The following KHDRBS2 variants were observed in gnomAD, a reference collection of about 807,000 sequenced individuals.
The protein encoded by KHDRBS2 is KH RNA binding domain containing, signal transduction associated 2.
A neutral mutation model predicts 44.3 loss-of-function variants in KHDRBS2; 26 were observed. That is an observed-to-expected ratio of 0.59 (90% confidence interval 0.43 to 0.81). The LOEUF (loss-of-function observed/expected upper bound fraction) is 0.81, where lower values mean the gene tolerates loss of function less well. KHDRBS2 is among the 40% of genes least tolerant of loss of function. KHDRBS2 has a pLI of 0.00. For missense variants in KHDRBS2, 476 were observed against 433.1 expected (o/e 1.10, Z -0.88); for synonymous variants, 194 against 151.1 (o/e 1.28, Z -2.08).
intron 1 of KHDRBS2, among the ~76,000 whole-genome samples, chr6:62,271,878 T>C (rs1840150187): frequency 6.6e-6 from 1 of 151,940 alleles, no homozygotes; most frequent in Admixed American, 6.6e-5. Context: ...TAGCCATTAA[T>C]TTATTATTGA....
At chr6:61,888,809 C>T (rs1258108616) in intron 6 of KHDRBS2, among the ~76,000 whole-genome samples, 1 of 151,922 alleles carries the variant, frequency 6.6e-6, no homozygotes, top group Non-Finnish European at 1.5e-5. Flanking sequence ...GATCCACCCA[C>T]CCCGGCCTCC....
chr6:61,601,598 C>T, the KHDRBS2 span, among the ~76,000 whole-genome samples: 1 of 152,102 alleles, frequency 6.6e-6, no homozygotes, highest in African/African-American at 2.4e-5. Context: ...CGGTACCTCC[C>T]TAGTCTCTGT....
rs551824030 is a variant in KHDRBS2 at position 61,866,294 on chromosome 6, A to T, written c.810+28341T>A. On this transcript the variant is annotated intron_variant, in intron 6 of 8. Coordinates refer to ENST00000281156, the MANE Select transcript of KHDRBS2 (RefSeq NM_152688.4). Reference sequence around the variant, plus strand: ...GGAGGCTCCCAAGCCCCAATTCTTGACAAATGTGCACCAGCAGTCTCAACA... The same window carrying T: ...GGAGGCTCCCAAGCCCCAATTCTTGTCAAATGTGCACCAGCAGTCTCAACA... Among the ~76,000 whole-genome samples the T allele has an allele frequency of 2.0e-5, 3 of 152,210 alleles. No individual in the cohort carries two copies. The East Asian group carries it at 5.8e-4, about 29-fold the overall frequency.
chr6:62,212,125 CTG>C (rs1156229749), intron 1 of KHDRBS2, among the ~76,000 whole-genome samples: 2 of 152,090 alleles, frequency 1.3e-5, no homozygotes, highest in Non-Finnish European at 1.5e-5. Flanking sequence ...ACTCTAAACT[CTG>C]TGCTCTGTGT....
intron 8 of KHDRBS2, among the ~76,000 whole-genome samples, chr6:61,685,546 C>A (rs973546415): frequency 6.6e-6 from 1 of 151,762 alleles, no homozygotes; most frequent in African/African-American, 2.4e-5. Context: ...AAAGTTCTAT[C>A]TGTTTTTTAT....
At chr6:62,225,030 C>G (rs1263488226) in intron 1 of KHDRBS2, among the ~76,000 whole-genome samples, 2 of 152,180 alleles carry the variant, frequency 1.3e-5, no homozygotes, top group African/African-American at 2.4e-5. Context: ...CCCTAGGGAG[C>G]ACTTGGCACT....
Position 61,954,847 on chromosome 6 carries a change from TATGC to T in KHDRBS2, c.483+23215_483+23218del, listed in dbSNP as rs1365143481. On this transcript the variant is annotated intron_variant, in intron 4 of 8. Transcript: ENST00000281156. ...ATACACATGCATATGTATGTATACA[TATGC>T]ATGTGTATATACACATACATATGTG... 3.1e-3 allele frequency among the ~76,000 whole-genome samples: 140 copies of T among 44,884 alleles called. 34 individuals are homozygous for T. Among genetic ancestry groups the T allele is most frequent in the South Asian group, 9.7e-3 (13 of 1,342 alleles). 29.4% of individuals were successfully genotyped at this position (44,884 alleles called of 152,430 possible).
intron 1 of KHDRBS2, among the ~76,000 whole-genome samples, chr6:62,179,766 A>C (rs1217756594): frequency 1.3e-5 from 2 of 151,802 alleles, no homozygotes; most frequent in Non-Finnish European, 2.9e-5. Context: ...GGCCAGGATT[A>C]ATTCTAATAA....
intron 3 of KHDRBS2, among the ~76,000 whole-genome samples, chr6:62,025,176 T>C (rs953976615): frequency 3.0e-4 from 46 of 151,920 alleles, no homozygotes; most frequent in African/African-American, 1.1e-3. Flanking sequence ...GACAGATTTT[T>C]ATCCTTTTCC....
chr6:61,722,478 C>T (rs1772790265), intron 7 of KHDRBS2, among the ~76,000 whole-genome samples: 1 of 152,128 alleles, frequency 6.6e-6, no homozygotes, highest in African/African-American at 2.4e-5. Flanking sequence ...AGGCATCTTC[C>T]AGATTCTATT....
At chr6:62,165,917 C>A (rs79630362) in intron 2 of KHDRBS2, among the ~76,000 whole-genome samples, 3 of 151,838 alleles carry the variant, frequency 2.0e-5, no homozygotes, top group Non-Finnish European at 4.4e-5. Context: ...TAGAAGTTTT[C>A]ATCACTCCAA....
intron 2 of KHDRBS2, among the ~76,000 whole-genome samples, chr6:62,065,037 C>G (rs1320887644): frequency 6.6e-6 from 1 of 152,142 alleles, no homozygotes; most frequent in African/African-American, 2.4e-5. Flanking sequence ...AAAAAATGCT[C>G]GTCATCACTA....
At chr6:62,160,735 A>G (rs1817445063) in intron 2 of KHDRBS2, among the ~76,000 whole-genome samples, 1 of 152,126 alleles carries the variant, frequency 6.6e-6, no homozygotes, top group African/African-American at 2.4e-5. Flanking sequence ...TTAGGCCAGC[A>G]TAAGAGCCCA....
chr6:61,684,211 A>G (rs566114039), intron 8 of KHDRBS2, among the ~76,000 whole-genome samples: 98 of 152,038 alleles, frequency 6.4e-4, no homozygotes, highest in Middle Eastern at 3.4e-3. Flanking sequence ...TTCCAGTGCC[A>G]CCATAGAGTG....
At chr6:61,964,111 G>A (rs1422163062) in intron 4 of KHDRBS2, among the ~76,000 whole-genome samples, 1 of 151,926 alleles carries the variant, frequency 6.6e-6, no homozygotes, top group South Asian at 2.1e-4. Context: ...TTGCACTGCG[G>A]CTCGTTACCA....
At chr6:62,177,403 A>G in intron 1 of KHDRBS2, 91 bp from the exon 2 acceptor site, 1 of 948,002 alleles carries the variant, frequency 1.1e-6, no homozygotes, top group African/African-American at 1.7e-5. Flanking sequence ...TAATATTCAT[A>G]TTACTCCTCT....
At chr6:62,016,596 T>C (rs950487011) in intron 3 of KHDRBS2, among the ~76,000 whole-genome samples, 8 of 149,018 alleles carry the variant, frequency 5.4e-5, no homozygotes, top group African/African-American at 1.2e-4. Flanking sequence ...ATTTATATAA[T>C]ATGTAGTACA....
intron 2 of KHDRBS2, among the ~76,000 whole-genome samples, chr6:62,111,468 T>C (rs1804971636): frequency 6.6e-6 from 1 of 152,140 alleles, no homozygotes; most frequent in Non-Finnish European, 1.5e-5. Context: ...ACAAGTATTC[T>C]GTGGAATTGA....
intron 4 of KHDRBS2, among the ~76,000 whole-genome samples, chr6:61,951,335 C>T (rs1026117904): frequency 6.6e-6 from 1 of 151,958 alleles, no homozygotes; most frequent in South Asian, 2.1e-4. Flanking sequence ...TAAAGTGGTG[C>T]TAAAATATAT....
Sources: allele counts gnomAD v4.1 joint callset (sites outside exome capture counted in the v4.1 genomes callset), GRCh38; gene constraint gnomAD v4.1.1; transcripts MANE v1.5; gene names NCBI Gene and HGNC (gene_info 2026-07-23, HGNC 2026-07-21).